CXCL3: variants seen among roughly 807,000 people sequenced by gnomAD.
CXCL3 encodes the protein C-X-C motif chemokine ligand 3.
In CXCL3, 10 loss-of-function variants were observed where a neutral mutation model predicts 11.5. That is an observed-to-expected ratio of 0.87 (90% CI 0.54 to 1.48). The LOEUF (loss-of-function observed/expected upper bound fraction) is 1.48. Ranked by LOEUF, CXCL3 falls within the 40% of genes most tolerant of loss-of-function variation. The pLI, the probability that CXCL3 is intolerant of heterozygous loss-of-function variation, is 0.00. For synonymous variants in CXCL3, 61 were observed against 60.9 expected, an observed-to-expected ratio of 1.00 and a Z score of -0.01; for missense variants, 149 against 139.1, an observed-to-expected ratio of 1.07 and a Z score of -0.36.
At chr4:74,037,773 T>A in intron 3 of CXCL3, 2 of 354,008 alleles carry the variant, frequency 5.6e-6, no homozygotes, top group Non-Finnish European at 1.0e-5. Context: ...CTGAAGCCCA[T>A]TAGGGACTGA....
chr4:74,037,368 A>ACT lies in CXCL3; in HGVS notation c.309-93_309-92dup. The ACT allele has an allele frequency of 2.0e-6, 3 of 1,468,656 alleles. No individual in the cohort carries two copies. The Admixed American group carries it at 5.1e-5, about 25-fold the overall frequency. The allele number at this position is 1,468,656 out of a possible 1,614,324, so 91.0% of individuals were successfully genotyped here. On this transcript the variant is annotated intron_variant, in intron 3 of 3. Coordinates refer to ENST00000296026, the MANE Select transcript of CXCL3 (RefSeq NM_002090.3). ...TGCTTGGAGGGATGTCCCCATGCAG[A>ACT]CTCTCTCCCAGCCCTCCACTCAGGG...
chr4:74,038,488 G>C, intron 1 of CXCL3, 24 bp downstream of exon 1: 2 of 1,567,864 alleles, frequency 1.3e-6, no homozygotes, highest in Non-Finnish European at 1.7e-6. Context: ...TCCGGCCCGG[G>C]GACCCCAGGG....
intron 3 of CXCL3, chr4:74,037,887 A>G (rs1169446243): frequency 1.2e-5 from 7 of 579,480 alleles, no homozygotes; most frequent in African/African-American, 3.8e-5. Flanking sequence ...AGGCCTGGAA[A>G]TGGAAGACAC....
Position 74,038,117 on chromosome 4 carries a change from T to G in CXCL3, c.284A>C (p.Lys95Thr). ...CTTGTTCAGTATCTTTTCGATGATT[T>G]TCTGAACCATGGGGGATGCGGGGTT... The part of the protein sequence containing the change: ...CLNPASPMVQ[K>T]IIEKILNKGS... Residue 95 changes from lysine to threonine, a missense_variant, in exon 3 of 4, where the codon AAA becomes ACA. Lys to Thr is a moderately conservative substitution (Grantham distance 78). Transcript: ENST00000296026. The G allele has an allele frequency of 6.2e-7, 1 of 1,614,168 alleles. No individual in the cohort carries two copies. Among genetic ancestry groups the G allele is most frequent in the Non-Finnish European group, 8.5e-7 (1 of 1,180,016 alleles).
intron 3 of CXCL3, chr4:74,037,499 T>C (rs1720021891): frequency 1.8e-6 from 1 of 555,630 alleles, no homozygotes; most frequent in East Asian, 3.0e-5. Context: ...ACTAGATTCT[T>C]GGTTTGAAAA....
At position 74,037,285 on chromosome 4, in the gene CXCL3, G is replaced by A. The variant is rs1346098205; in HGVS notation, c.309-8C>T. ...TGTCAGTTGGTGCTCCCCCTGTGAT[G>A]AGAAAAGGGTTACTGTTGCAGGTGC... On this transcript the variant is annotated splice_polypyrimidine_tract_variant and splice_region_variant and intron_variant, in intron 3 of 3. Coordinates refer to ENST00000296026, the MANE Select transcript of CXCL3 (RefSeq NM_002090.3). The A allele has an allele frequency of 5.6e-6, 9 of 1,613,886 alleles. No individual in the cohort carries two copies. In the African/African-American group the frequency reaches 8.0e-5, roughly 14 times the overall value.
In CXCL3 at chr4:74,037,234, C is replaced by G. The variant is rs201732413; in HGVS notation, c.*28G>C. On this transcript the variant is annotated 3_prime_UTR_variant, in exon 4 of 4. Transcript: ENST00000296026. Reference sequence around the variant, plus strand: ...CACCCTGCAGGAAGTGTCAATGATACGCTGATAAGCTTCTTACTTCTCTCC... The same window carrying G: ...CACCCTGCAGGAAGTGTCAATGATAGGCTGATAAGCTTCTTACTTCTCTCC... 1.2e-6 allele frequency: 2 copies of G among 1,613,910 alleles called. No individual in the cohort carries two copies. Among genetic ancestry groups the G allele is most frequent in the Non-Finnish European group, 1.7e-6 (2 of 1,179,866 alleles).
chr4:74,037,617 A>C, intron 3 of CXCL3: 1 of 324,170 alleles, frequency 3.1e-6, no homozygotes, highest in Non-Finnish European at 5.7e-6. Context: ...TATCTACCCT[A>C]TTTTGCTAAA....
rs200464221 is a variant in CXCL3, at chr4:74,038,602, C to G, written c.10G>C (p.Ala4Pro). ...TTGCTGGGGGCGGCGGAGAGCGTGGCGTGGGCCATGGGGCTCAGCAGACGC... is the reference window on the plus strand; with the variant it reads ...TTGCTGGGGGCGGCGGAGAGCGTGGGGTGGGCCATGGGGCTCAGCAGACGC... MAHATLSAAPSNPR... is the reference protein window; with the variant it reads MAHPTLSAAPSNPR... The change falls in exon 1 of 4, where the codon GCC (alanine) becomes CCC (proline). Residue 4 changes from alanine to proline, a missense_variant. By Grantham distance (27) the Ala-to-Pro change is conservative. Coordinates refer to ENST00000296026, the MANE Select transcript of CXCL3 (RefSeq NM_002090.3). 5 of 1,480,108 alleles carry G rather than the reference C, an allele frequency of 3.4e-6. No individual in the cohort carries two copies. The highest frequency in any genetic ancestry group is 4.5e-6 in the Non-Finnish European group (5 of 1,118,770). 91.7% of individuals were successfully genotyped at this position (1,480,108 alleles called of 1,614,324 possible). A position where few individuals can be genotyped will look rare whatever the true frequency, so the allele number is the denominator to read the frequency against.
intron 3 of CXCL3, chr4:74,037,827 G>T (rs924191731): frequency 1.9e-5 from 8 of 419,784 alleles, no homozygotes; most frequent in Non-Finnish European, 3.4e-5. Context: ...GGCATTGTTA[G>T]TCAAATTTAC....
At chr4:74,037,406 T>G in intron 3 of CXCL3, 129 bp from the exon 4 acceptor site, 1 of 962,458 alleles carries the variant, frequency 1.0e-6, no homozygotes, top group Admixed American at 2.2e-5. Context: ...GGTCTGTCTG[T>G]ACCCACTGCC....
chr4:74,037,918 T>C (rs1462702719), intron 3 of CXCL3, 175 bp downstream of exon 3: 6 of 675,968 alleles, frequency 8.9e-6, no homozygotes, highest in Non-Finnish European at 1.5e-5. Context: ...AAATATCCTC[T>C]GGCACCAGAG....
intron 3 of CXCL3, 37 bp downstream of exon 3, chr4:74,038,056 G>T (rs1720033887): frequency 5.0e-6 from 8 of 1,606,170 alleles, no homozygotes; most frequent in Non-Finnish European, 6.8e-6. Flanking sequence ...CTGACCAACG[G>T]CTCCAGTCGC....
chr4:74,038,615 G>T lies in CXCL3; in HGVS notation c.-4C>A, dbSNP rs1338896662. ...CGGAGAGCGTGGCGTGGGCCATGGG[G>T]CTCAGCAGACGCGTCGGGAAGCTGT... On this transcript the variant is annotated 5_prime_UTR_variant, in exon 1 of 4. Coordinates refer to ENST00000296026, the MANE Select transcript of CXCL3 (RefSeq NM_002090.3). 4.8e-6 allele frequency: 7 copies of T among 1,455,348 alleles called. No homozygotes were observed. In the East Asian group the frequency reaches 2.1e-4, roughly 43 times the overall value. The allele number at this position is 1,455,348 out of a possible 1,614,324, so 90.2% of individuals were successfully genotyped here.
Position 74,038,280 on chromosome 4 carries a change from C to T in CXCL3, c.224+10G>A, listed in dbSNP as rs561019043. 1 of 1,613,834 alleles carries T rather than the reference C, an allele frequency of 6.2e-7. No homozygotes were observed. On this transcript the variant is annotated intron_variant, in intron 2 of 3. Coordinates refer to ENST00000296026, the MANE Select transcript of CXCL3 (RefSeq NM_002090.3). Reference sequence around the variant, plus strand: ...CAGCGGTGGCAGCGGAAGCGCGGGGCGGGACTTACATGACTTCGGTTTGGG... The same window carrying T: ...CAGCGGTGGCAGCGGAAGCGCGGGGTGGGACTTACATGACTTCGGTTTGGG...
rs200253429 is a variant in CXCL3 at position 74,037,109 on chromosome 4, A to T, written c.*153T>A. ...CAAAAATAAATACATAAATAAGTAG[A>T]ACCCTCGTAAGAAATAGTCAAACAC... On this transcript the variant is annotated 3_prime_UTR_variant, in exon 4 of 4. Transcript: ENST00000296026. 58 of 682,816 alleles carry T rather than the reference A, an allele frequency of 8.5e-5. No homozygotes were observed. The highest frequency in any genetic ancestry group is 1.3e-4 in the Non-Finnish European group (52 of 404,924). The allele number at this position is 682,816 out of a possible 1,614,324, so 42.3% of individuals were successfully genotyped here.
intron 3 of CXCL3, chr4:74,037,728 C>G (rs538016622): frequency 3.3e-6 from 1 of 306,444 alleles, no homozygotes; most frequent in South Asian, 3.5e-5. Flanking sequence ...CTTACAGGCC[C>G]AAAGTGCCCA....
At position 74,037,195 on chromosome 4, in the gene CXCL3, G is replaced by C; in HGVS notation, c.*67C>G. On this transcript the variant is annotated 3_prime_UTR_variant, in exon 4 of 4. Coordinates refer to ENST00000296026, the MANE Select transcript of CXCL3 (RefSeq NM_002090.3). ...GTTCTCTTTTTCATTTTCAGCTCTG[G>C]TAAGGGCAGGGACCACCCTGCAGGA... 6.3e-7 allele frequency: 1 copy of C among 1,587,018 alleles called. No individual in the cohort carries two copies. The highest frequency in any genetic ancestry group is 8.6e-7 in the Non-Finnish European group (1 of 1,157,406).
chr4:74,037,296 T>C lies in CXCL3; in HGVS notation c.309-19A>G. 6.2e-7 allele frequency: 1 copy of C among 1,614,042 alleles called. No homozygotes were observed. The highest frequency in any genetic ancestry group is 8.5e-7 in the Non-Finnish European group (1 of 1,179,946). On this transcript the variant is annotated intron_variant, in intron 3 of 3. Transcript: ENST00000296026. ...GCTCCCCCTGTGATGAGAAAAGGGT[T>C]ACTGTTGCAGGTGCTAAGGAAGGCT...
Sources: gnomAD v4.1 joint callset for allele counts on GRCh38, gnomAD v4.1.1 for gene constraint, MANE v1.5 for transcripts, NCBI Gene and HGNC (gene_info 2026-07-23, HGNC 2026-07-21) for gene names.